The following ADCK2 variants were observed in gnomAD, a reference collection of about 807,000 sequenced individuals.
The protein encoded by ADCK2 is aarF domain containing kinase 2.
In ADCK2, 37 loss-of-function variants were observed where a neutral mutation model predicts 52.3. The observed-to-expected ratio is 0.71, with a 90% confidence interval of 0.54 to 0.93. The LOEUF (loss-of-function observed/expected upper bound fraction) is 0.93. ADCK2 is among the 40% of genes least tolerant of loss of function. ADCK2 has a pLI of 0.00. For missense variants in ADCK2, 695 were observed against 798.7 expected, an observed-to-expected ratio of 0.87 and a Z score of 1.56; for synonymous variants, 321 against 349.2, an observed-to-expected ratio of 0.92 and a Z score of 0.90.
chr7:140,692,207 G>A (rs1794720745), intron 7 of ADCK2, among the ~76,000 whole-genome samples: 2 of 152,062 alleles, frequency 1.3e-5, no homozygotes, highest in Non-Finnish European at 2.9e-5. Flanking sequence ...CTCTCCATCC[G>A]GCCCTGGGAA....
At chr7:140,692,889 T>A (rs993305402) in intron 7 of ADCK2, among the ~76,000 whole-genome samples, 10 of 152,226 alleles carry the variant, frequency 6.6e-5, no homozygotes, top group African/African-American at 2.4e-4. Context: ...TCATATGGTA[T>A]GTTTTTAGTT....
Position 140,690,777 on chromosome 7 carries a change from T to C in ADCK2, c.1704T>C (p.Leu568=). The C allele has an allele frequency of 6.2e-7, 1 of 1,613,682 alleles. No homozygotes were observed. The highest frequency in any genetic ancestry group is 8.5e-7 in the Non-Finnish European group (1 of 1,179,890). The change falls in exon 7 of 8, where the codon CTT becomes CTC. Residue 568 remains leucine (L), a synonymous_variant. Coordinates refer to ENST00000072869, the MANE Select transcript of ADCK2 (RefSeq NM_052853.4). ...TTTTCCAGCTTCATGTGTCCAGCCT[T>C]CTCTCTAGTGTCTTTAAGTTGCTGA... ...ITLEKLHVSS[L]LSSVFKLLMT...
intron 4 of ADCK2, among the ~76,000 whole-genome samples, chr7:140,682,061 T>G (rs1018406958): frequency 2.0e-5 from 3 of 152,192 alleles, no homozygotes; most frequent in African/African-American, 7.2e-5. Context: ...GCTCATTTGT[T>G]CAGCAAATGT....
intron 2 of ADCK2, among the ~76,000 whole-genome samples, chr7:140,676,366 G>A (rs545203014): frequency 6.6e-6 from 1 of 152,226 alleles, no homozygotes; most frequent in African/African-American, 2.4e-5. Flanking sequence ...AGGAATTTTG[G>A]GGGGACACAA....
chr7:140,685,844 G>A (rs1259657278), intron 4 of ADCK2, among the ~76,000 whole-genome samples: 3 of 152,066 alleles, frequency 2.0e-5, no homozygotes, highest in South Asian at 4.2e-4. Context: ...CCTGACCTCC[G>A]AGATGACCGG....
intron 7 of ADCK2, 67 bp from the exon 8 acceptor site, chr7:140,694,596 A>G (rs1392711108): frequency 1.9e-5 from 29 of 1,494,046 alleles, no homozygotes; most frequent in Non-Finnish European, 2.7e-5. Flanking sequence ...CAGCAAGGTG[A>G]TTATCCAGAA....
At position 140,673,394 on chromosome 7, in the gene ADCK2, AGACAGG is replaced by A. The variant is rs778651686; in HGVS notation, c.68_73del (p.Gln23_Gly24del). On this transcript the variant is annotated inframe_deletion, in exon 1 of 8. Coordinates refer to ENST00000072869, the MANE Select transcript of ADCK2 (RefSeq NM_052853.4). The surrounding 1 kb of genome is among the most constrained non-coding windows in gnomAD (Gnocchi z 6.4). The stretch of plus-strand genomic sequence containing the variant: ...GTCGCACCTGAGGTGCTTCGAGCTC[AGACAGG>A]GACTCAGCCTCCTGAGGCCCTCCGA... 3 of 1,564,016 alleles carry A rather than the reference AGACAGG, an allele frequency of 1.9e-6. No individual in the cohort carries two copies. The African/African-American group carries it at 4.1e-5, about 21-fold the overall frequency.
rs974784495 is a variant in ADCK2 at position 140,695,057 on chromosome 7, T to C, written c.*254T>C. ...GCTGGGCCAGGTGCCAGGGACACTC[T>C]CCTTCAGGGAAAATGTTATGTGGAG... is the stretch of plus-strand genomic sequence containing the variant. On this transcript the variant is annotated 3_prime_UTR_variant, in exon 8 of 8. Transcript: ENST00000072869. 7 of 1,228,624 alleles carry C rather than the reference T, an allele frequency of 5.7e-6. No homozygotes were observed. The African/African-American group carries it at 7.8e-5, about 14-fold the overall frequency. 76.1% of individuals were successfully genotyped at this position (1,228,624 alleles called of 1,614,324 possible). A position where few individuals can be genotyped will look rare whatever the true frequency, so the allele number is the denominator to read the frequency against.
intron 2 of ADCK2, among the ~76,000 whole-genome samples, chr7:140,676,081 A>C (rs1794410887): frequency 6.6e-6 from 1 of 152,244 alleles, no homozygotes; most frequent in African/African-American, 2.4e-5. Context: ...TAAACTAAGT[A>C]GCTTACATAC....
At chr7:140,686,469 C>T (rs745602715) in intron 4 of ADCK2, among the ~76,000 whole-genome samples, 3 of 152,092 alleles carry the variant, frequency 2.0e-5, no homozygotes, top group African/African-American at 4.8e-5. Context: ...TTGGTAGAGA[C>T]GAGGTTTCAC....
At chr7:140,680,848 T>C (rs1403311272) in intron 3 of ADCK2, among the ~76,000 whole-genome samples, 194 bp from the exon 4 acceptor site, 1 of 152,038 alleles carries the variant, frequency 6.6e-6, no homozygotes, top group African/African-American at 2.4e-5. Flanking sequence ...GCTCAAGCAA[T>C]CCTCCCAAGG....
chr7:140,679,610 G>A (rs1201164063), intron 3 of ADCK2, among the ~76,000 whole-genome samples: 1 of 147,150 alleles, frequency 6.8e-6, no homozygotes, highest in East Asian at 2.0e-4. Flanking sequence ...GAACAACCTT[G>A]TGTCATCTCA....
At chr7:140,690,436 C>T (rs1794684995) in intron 6 of ADCK2, among the ~76,000 whole-genome samples, 1 of 150,350 alleles carries the variant, frequency 6.7e-6, no homozygotes, top group Non-Finnish European at 1.5e-5. Flanking sequence ...CTCCTGACCT[C>T]AAGTGATCCG....
chr7:140,683,334 T>C (rs1794550718), intron 4 of ADCK2, among the ~76,000 whole-genome samples: 1 of 152,166 alleles, frequency 6.6e-6, no homozygotes, highest in South Asian at 2.1e-4. Flanking sequence ...GTTTTTATGC[T>C]GAGGAATGCC....
intron 2 of ADCK2, among the ~76,000 whole-genome samples, chr7:140,676,793 G>A (rs1794426614): frequency 6.6e-6 from 1 of 152,136 alleles, no homozygotes; most frequent in South Asian, 2.1e-4. Context: ...AGGCTGAAGT[G>A]GGTGGATTGC....
intron 4 of ADCK2, among the ~76,000 whole-genome samples, chr7:140,683,934 C>G (rs1183561482): frequency 6.6e-6 from 1 of 152,134 alleles, no homozygotes; most frequent in Non-Finnish European, 1.5e-5. Flanking sequence ...CTTCTATTTC[C>G]TTGTGAACTA....
intron 4 of ADCK2, among the ~76,000 whole-genome samples, chr7:140,682,664 T>A (rs1794535414): frequency 6.6e-6 from 1 of 151,996 alleles, no homozygotes. Flanking sequence ...TAGTGAATTT[T>A]TAAAAAGCAT....
rs145231926 is a variant in ADCK2 at position 140,673,623 on chromosome 7, G to A, written c.293G>A (p.Arg98His). The change falls in exon 1 of 8, where the codon CGC (arginine) becomes CAC (histidine). Residue 98 changes from arginine (R) to histidine (H), a missense_variant. By Grantham distance (29) the Arg-to-His change is conservative. Transcript: ENST00000072869. This position sits in a 1 kb window ranked among gnomAD's most constrained non-coding sequence, Gnocchi z 6.4. ...GPLGGVFLHL[R>H]LWLRAGALLV... ...CTGGGCGGCGTCTTCCTGCATCTCC[G>A]CCTCTGGCTTCGCGCCGGCGCTCTG... is the stretch of plus-strand genomic sequence containing the variant. 458 of 1,609,426 alleles carry A rather than the reference G, an allele frequency of 2.8e-4. 3 individuals carry two copies. In the African/African-American group the frequency reaches 5.4e-3, roughly 19 times the overall value.
At chr7:140,687,413 C>T (rs1002211051) in intron 5 of ADCK2, among the ~76,000 whole-genome samples, 172 bp downstream of exon 5, 3 of 151,918 alleles carry the variant, frequency 2.0e-5, no homozygotes, top group Non-Finnish European at 2.9e-5. Context: ...GACCCTGTCT[C>T]TATAAAAAAT....
Sources: allele counts gnomAD v4.1 joint callset (sites outside exome capture counted in the v4.1 genomes callset), GRCh38; gene constraint gnomAD v4.1.1; non-coding constraint Gnocchi (gnomAD v3.1); transcripts MANE v1.5; gene names NCBI Gene and HGNC (gene_info 2026-07-23, HGNC 2026-07-21).